Variants in EYS observed in about 807,000 individuals in gnomAD.
EYS encodes protein eyes shut homolog.
A neutral mutation model predicts 282.1 loss-of-function variants in EYS; 250 were observed. The ratio of observed to expected loss-of-function variants is 0.89; its 90% CI spans 0.80 to 0.98. EYS has a LOEUF of 0.98. EYS is among the 50% of genes least tolerant of loss of function. The pLI, the probability that EYS is intolerant of heterozygous loss-of-function variation, is 0.00. For missense variants in EYS, 4,016 were observed against 3,709.0 expected (o/e 1.08, Z -2.15); for synonymous variants, 1,355 against 1,282.9 (o/e 1.06, Z -1.20).
intron 14 of EYS, among the ~76,000 whole-genome samples, chr6:64,972,860 C>T (rs1037458127): frequency 1.3e-5 from 2 of 151,940 alleles, no homozygotes; most frequent in African/African-American, 4.8e-5. Flanking sequence ...TAATACTAGG[C>T]ATTATAGGTC....
At chr6:64,133,688 A>G (rs1774062542) in intron 31 of EYS, among the ~76,000 whole-genome samples, 1 of 152,018 alleles carries the variant, frequency 6.6e-6, no homozygotes. Flanking sequence ...TAATTTTTCT[A>G]TGCTACCCAT....
chr6:65,675,627 GAGAT>G (rs1443115392), intron 1 of EYS, among the ~76,000 whole-genome samples: 1 of 151,834 alleles, frequency 6.6e-6, no homozygotes, highest in Non-Finnish European at 1.5e-5. Context: ...GAACTGGAGT[GAGAT>G]AGAGAGTAAC....
At chr6:64,039,946 A>G (rs1024864807) in intron 33 of EYS, among the ~76,000 whole-genome samples, 6 of 152,160 alleles carry the variant, frequency 3.9e-5, no homozygotes, top group African/African-American at 1.2e-4. Context: ...TCCACATTGC[A>G]TACTTAAATA....
intron 29 of EYS, among the ~76,000 whole-genome samples, chr6:64,311,670 G>T (rs1769709875): frequency 6.6e-6 from 1 of 152,204 alleles, no homozygotes; most frequent in South Asian, 2.1e-4. Context: ...TCCAAATGAG[G>T]TACCTAGTTC....
At chr6:65,685,681 T>G (rs1768990135) in intron 1 of EYS, among the ~76,000 whole-genome samples, 1 of 152,062 alleles carries the variant, frequency 6.6e-6, no homozygotes, top group Admixed American at 6.6e-5. Flanking sequence ...AACCTCTTTT[T>G]ATTTCCATTA....
At chr6:65,629,909 T>C (rs575841350) in intron 2 of EYS, among the ~76,000 whole-genome samples, 3 of 152,300 alleles carry the variant, frequency 2.0e-5, no homozygotes, top group Admixed American at 1.3e-4. Context: ...AAAAAAATCC[T>C]GCACAGCCTC....
chr6:65,572,448 G>A (rs1039428696), intron 2 of EYS, among the ~76,000 whole-genome samples: 1 of 152,066 alleles, frequency 6.6e-6, no homozygotes. Flanking sequence ...AAAATTAAAT[G>A]ATAAGCCACA....
chr6:64,444,106 G>C (rs969978796), intron 26 of EYS, among the ~76,000 whole-genome samples: 2 of 79,532 alleles, frequency 2.5e-5, no homozygotes, highest in Non-Finnish European at 5.8e-5. Flanking sequence ...ATGAAATTAG[G>C]GGTAATTTCT....
intron 33 of EYS, among the ~76,000 whole-genome samples, chr6:64,044,452 C>T (rs116730371): frequency 2.0e-5 from 3 of 152,208 alleles, no homozygotes; most frequent in South Asian, 4.2e-4. Context: ...GGCAAAGAGC[C>T]GGGGAGCACT....
intron 2 of EYS, among the ~76,000 whole-genome samples, chr6:65,586,776 A>G (rs1765063327): frequency 6.6e-6 from 1 of 152,252 alleles, no homozygotes; most frequent in African/African-American, 2.4e-5. Context: ...AGTAGTGTGT[A>G]CATTCCCTGT....
chr6:65,529,607 T>G (rs926289102), intron 2 of EYS, among the ~76,000 whole-genome samples: 2 of 152,200 alleles, frequency 1.3e-5, no homozygotes, highest in African/African-American at 4.8e-5. Flanking sequence ...ATGTTCTTCA[T>G]GAAATATCAA....
intron 30 of EYS, among the ~76,000 whole-genome samples, chr6:64,272,205 A>G (rs1180804769): frequency 6.6e-6 from 1 of 152,154 alleles, no homozygotes; most frequent in Non-Finnish European, 1.5e-5. Context: ...AATACAGCAT[A>G]CCAATGGGTC....
intron 2 of EYS, among the ~76,000 whole-genome samples, chr6:65,622,845 C>A (rs1204951355): frequency 1.3e-5 from 2 of 151,458 alleles, no homozygotes; most frequent in South Asian, 2.1e-4. Context: ...GCAGCTTCAA[C>A]CTCTCGGGTC....
chr6:65,184,777 T>G (rs1400895477), intron 12 of EYS, among the ~76,000 whole-genome samples: 5 of 151,722 alleles, frequency 3.3e-5, no homozygotes, highest in Non-Finnish European at 1.5e-5. Flanking sequence ...GGAAAGCAAT[T>G]TGGCTTCACA....
chr6:64,472,566 G>T (rs1326686742), intron 26 of EYS, among the ~76,000 whole-genome samples: 1 of 152,062 alleles, frequency 6.6e-6, no homozygotes, highest in African/African-American at 2.4e-5. Context: ...ATAACTTTAA[G>T]TCTGTTTGCT....
chr6:64,776,864 G>A (rs934343353), intron 22 of EYS, among the ~76,000 whole-genome samples: 1 of 151,716 alleles, frequency 6.6e-6, no homozygotes, highest in Non-Finnish European at 1.5e-5. Flanking sequence ...ATCTTTGCTA[G>A]ATTTCTGATG....
chr6:64,666,621 C>T (rs943641076), intron 22 of EYS, among the ~76,000 whole-genome samples: 9 of 152,130 alleles, frequency 5.9e-5, no homozygotes, highest in African/African-American at 1.9e-4. Flanking sequence ...TAATACCAAC[C>T]AGAAATCAAT....
chr6:65,233,551 T>C (rs930047927), intron 12 of EYS, among the ~76,000 whole-genome samples: 19 of 152,170 alleles, frequency 1.2e-4, no homozygotes, highest in African/African-American at 3.9e-4. Flanking sequence ...TTTTACCCTT[T>C]TACTGTTGGA....
rs1322878680 is a variant in EYS at position 63,956,156 on chromosome 6, G to A, written c.7055+28227C>T. 2.0e-5 allele frequency among the ~76,000 whole-genome samples: 3 copies of A among 152,122 alleles called. No individual in the cohort carries two copies. The East Asian group carries it at 5.8e-4, about 29-fold the overall frequency. On this transcript the variant is annotated intron_variant, in intron 35 of 42. Transcript: ENST00000503581. ...TTTTCTTATTAATATAAGAAGACAG[G>A]AATGTCAGGCCTCTGAGCCCAAGCC... is the stretch of plus-strand genomic sequence containing the variant.
Sources: allele counts gnomAD v4.1 joint callset (sites outside exome capture counted in the v4.1 genomes callset), GRCh38; gene constraint gnomAD v4.1.1; transcripts MANE v1.5; gene names NCBI Gene and HGNC (gene_info 2026-07-23, HGNC 2026-07-21).